The following RNFT2 variants were observed in gnomAD, a reference collection of about 807,000 sequenced individuals.
RNFT2 encodes the protein E3 ubiquitin-protein ligase RNFT2.
A neutral mutation model predicts 53.0 loss-of-function variants in RNFT2; 36 were observed. That is an observed-to-expected ratio of 0.68 (90% CI 0.52 to 0.90). RNFT2 has a LOEUF of 0.90. RNFT2 is among the 40% of genes least tolerant of loss of function. The probability of loss-of-function intolerance (pLI) is 0.00; values close to 1 mark genes in which losing one functional copy is unlikely to be tolerated. For missense variants in RNFT2, 514 were observed against 585.6 expected (o/e 0.88, Z 1.26); for synonymous variants, 260 against 253.2 (o/e 1.03, Z -0.26).
At chr12:116,807,704 C>A (rs912839444) in intron 7 of RNFT2, among the ~76,000 whole-genome samples, 4 of 152,166 alleles carry the variant, frequency 2.6e-5, no homozygotes, top group African/African-American at 9.7e-5. Context: ...CCAACCCAGG[C>A]ACCATACACC....
At chr12:116,805,874 T>G (rs1039935991) in intron 7 of RNFT2, among the ~76,000 whole-genome samples, 1 of 152,228 alleles carries the variant, frequency 6.6e-6, no homozygotes, top group Non-Finnish European at 1.5e-5. Context: ...ACCCAGGATA[T>G]CAAGGAAAAT....
At chr12:116,779,079 CTCCCAGT>C in intron 6 of RNFT2, 109 bp from the exon 7 acceptor site, 1 of 1,077,370 alleles carries the variant, frequency 9.3e-7, no homozygotes, top group Admixed American at 2.1e-5. Context: ...AGACGTCTGA[CTCCCAGT>C]TCAGCGCTCT....
intron 7 of RNFT2, among the ~76,000 whole-genome samples, chr12:116,805,932 A>G (rs7980733): frequency 0.02 from 3,110 of 152,330 alleles, 115 homozygotes; most frequent in African/African-American, 0.07. Flanking sequence ...ACATTTACAA[A>G]ATGCCATCAC....
intron 10 of RNFT2, among the ~76,000 whole-genome samples, chr12:116,843,818 C>G (rs1877474635): frequency 6.6e-6 from 1 of 152,214 alleles, no homozygotes. Flanking sequence ...CTTCATCACC[C>G]TAGTATCGCC....
In RNFT2 at chr12:116,852,205, G is replaced by C; in HGVS notation, c.*2757G>C. 1 of 1,248,618 alleles carries C rather than the reference G, an allele frequency of 8.0e-7. No homozygotes were observed. Among genetic ancestry groups the C allele is most frequent in the Non-Finnish European group, 1.0e-6 (1 of 972,384 alleles). 77.3% of individuals were successfully genotyped at this position (1,248,618 alleles called of 1,614,324 possible). ...TCAGCACAACAGGCTGGCGCCAATGGCATTACAGAGAAAGCAATCTGTGTG... is the reference window on the plus strand; with the variant it reads ...TCAGCACAACAGGCTGGCGCCAATGCCATTACAGAGAAAGCAATCTGTGTG... On this transcript the variant is annotated 3_prime_UTR_variant, in exon 11 of 11. Transcript: ENST00000257575.
Position 116,852,136 on chromosome 12 carries a change from C to A in RNFT2, c.*2688C>A. 9.8e-7 allele frequency: 1 copy of A among 1,023,690 alleles called. No individual in the cohort carries two copies. Among genetic ancestry groups the A allele is most frequent in the Non-Finnish European group, 1.4e-6 (1 of 737,800 alleles). 63.4% of individuals were successfully genotyped at this position (1,023,690 alleles called of 1,614,324 possible). A position where few individuals can be genotyped will look rare whatever the true frequency, so the allele number is the denominator to read the frequency against. On this transcript the variant is annotated 3_prime_UTR_variant, in exon 11 of 11. Coordinates refer to ENST00000257575, the MANE Select transcript of RNFT2 (RefSeq NM_001382266.1). ...CCACGCAGAAGCCACCAGAATCTTG[C>A]CTGCCCTATTCCTCCTCCCAAGTCT...
intron 7 of RNFT2, among the ~76,000 whole-genome samples, chr12:116,817,538 C>T (rs898886099): frequency 5.9e-5 from 9 of 152,214 alleles, no homozygotes; most frequent in Non-Finnish European, 1.3e-4. Flanking sequence ...CGCCTAATTT[C>T]CTACTCAGTT....
intron 10 of RNFT2, among the ~76,000 whole-genome samples, chr12:116,843,182 G>C (rs886471666): frequency 6.6e-6 from 1 of 152,076 alleles, no homozygotes; most frequent in East Asian, 1.9e-4. Context: ...CGGGAGGCAC[G>C]ACCAGGGGGC....
intron 7 of RNFT2, among the ~76,000 whole-genome samples, chr12:116,820,202 T>C (rs1052386658): frequency 6.6e-6 from 1 of 152,210 alleles, no homozygotes; most frequent in Non-Finnish European, 1.5e-5. Flanking sequence ...GTCATCCTCC[T>C]GCCTCAGCCT....
chr12:116,800,914 G>T (rs1482957041), intron 7 of RNFT2: 1 of 151,982 alleles, frequency 6.6e-6, no homozygotes, highest in Non-Finnish European at 1.5e-5. Flanking sequence ...GTTTGTGAAG[G>T]GTCACTGCTG....
At chr12:116,786,009 G>A (rs1016408535) in intron 7 of RNFT2, among the ~76,000 whole-genome samples, 5 of 152,050 alleles carry the variant, frequency 3.3e-5, no homozygotes, top group East Asian at 1.9e-4. Context: ...CTGAGACCGC[G>A]CCACTGCACT....
intron 7 of RNFT2, among the ~76,000 whole-genome samples, chr12:116,783,448 C>T (rs1362824716): frequency 6.6e-6 from 1 of 152,244 alleles, no homozygotes; most frequent in Admixed American, 6.5e-5. Context: ...GAGAGCTATA[C>T]TGTCGGCTTC....
In RNFT2 at chr12:116,851,807, G is replaced by GAAA. The variant is rs1877943433; in HGVS notation, c.*2359_*2360insAAA. The GAAA allele has an allele frequency of 9.2e-6, 9 of 978,780 alleles. No individual in the cohort carries two copies. The Middle Eastern group carries it at 8.0e-4, about 87-fold the overall frequency. The allele number at this position is 978,780 out of a possible 1,614,324, so 60.6% of individuals were successfully genotyped here. A position where few individuals can be genotyped will look rare whatever the true frequency, so the allele number is the denominator to read the frequency against. On this transcript the variant is annotated 3_prime_UTR_variant, in exon 11 of 11. Transcript: ENST00000257575. The stretch of plus-strand genomic sequence containing the variant: ...GGAAGGAAGGAAGGAAAGAAAGAAA[G>GAAA]GTCAGCTTTGGCCCAGATGTGGTTA...
chr12:116,754,044 A>G lies in RNFT2; in HGVS notation c.611A>G (p.Glu204Gly). Residue 204 changes from glutamate to glycine, a missense_variant, in exon 5 of 11, where the codon GAA (glutamate) becomes GGA (glycine). This residue lies in a region of RNFT2 where 273 missense variants were observed against 334.4 expected (regional missense o/e 0.82). Transcript: ENST00000257575. ...GCCTATGCCAACTCCACGCTTCGAG[A>G]ACAGGTCTCACTGAAGGTGAGTCAC... is the stretch of plus-strand genomic sequence containing the variant. The part of the protein sequence containing the change: ...TFAYANSTLR[E>G]QVSLKEKRSV... The G allele has an allele frequency of 6.2e-7, 1 of 1,613,806 alleles. No individual in the cohort carries two copies. The highest frequency in any genetic ancestry group is 8.5e-7 in the Non-Finnish European group (1 of 1,179,822).
rs957660732 is a variant in RNFT2, at chr12:116,849,781, T to TTTTTC, written c.*347_*351dup. On this transcript the variant is annotated 3_prime_UTR_variant, in exon 11 of 11. Transcript: ENST00000257575. ...CACTTGTTGGTTATTTTCTCTTTCT[T>TTTTTC]TTTTCTTTTCTTTTCTTTCTCTCTC... The TTTTTC allele has an allele frequency of 1.3e-5, 14 of 1,100,490 alleles. No homozygotes were observed. Among genetic ancestry groups the TTTTTC allele is most frequent in the Non-Finnish European group, 1.2e-5 (11 of 900,072 alleles). The allele number at this position is 1,100,490 out of a possible 1,614,324, so 68.2% of individuals were successfully genotyped here. A position where few individuals can be genotyped will look rare whatever the true frequency, so the allele number is the denominator to read the frequency against.
chr12:116,795,462 C>G (rs1357943232), intron 7 of RNFT2, among the ~76,000 whole-genome samples: 2 of 151,920 alleles, frequency 1.3e-5, no homozygotes, highest in East Asian at 1.9e-4. Context: ...AGCCCAAGAT[C>G]CGGGAACTGC....
chr12:116,853,602 T>C lies in RNFT2; in HGVS notation c.*4154T>C, dbSNP rs1319472410. 6.1e-6 allele frequency: 1 copy of C among 164,532 alleles called. No homozygotes were observed. Among genetic ancestry groups the C allele is most frequent in the East Asian group, 1.6e-4 (1 of 6,152 alleles). The allele number at this position is 164,532 out of a possible 1,614,324, so 10.2% of individuals were successfully genotyped here. ...GTTTTAATGTCTCCCAAAGTACCCT[T>C]CAGCCAATAAATACCATCTGTTGGT... On this transcript the variant is annotated 3_prime_UTR_variant, in exon 11 of 11. Coordinates refer to ENST00000257575, the MANE Select transcript of RNFT2 (RefSeq NM_001382266.1).
intron 5 of RNFT2, among the ~76,000 whole-genome samples, chr12:116,766,584 T>C (rs1872922591): frequency 6.6e-6 from 1 of 152,216 alleles, no homozygotes; most frequent in South Asian, 2.1e-4. Flanking sequence ...TGGTGTTCTC[T>C]TGCCTTTCTA....
chr12:116,820,995 A>C (rs1875985850), intron 7 of RNFT2, among the ~76,000 whole-genome samples: 1 of 151,764 alleles, frequency 6.6e-6, no homozygotes, highest in South Asian at 2.1e-4. Context: ...TCTGTGTTTG[A>C]GCTTTCTCAT....
Sources: allele counts gnomAD v4.1 joint callset (sites outside exome capture counted in the v4.1 genomes callset), GRCh38; gene constraint gnomAD v4.1.1; regional missense constraint gnomAD v4.1.1; transcripts MANE v1.5; gene names NCBI Gene and HGNC (gene_info 2026-07-23, HGNC 2026-07-21).